Variants in LRRC31 observed in about 807,000 individuals in gnomAD.
The protein encoded by LRRC31 is leucine rich repeat containing 31.
LRRC31 carries 35 observed loss-of-function variants against 46.7 expected under a neutral mutation model. The ratio of observed to expected loss-of-function variants is 0.75; its 90% CI spans 0.57 to 0.99. LRRC31 has a LOEUF of 0.99. Ranked by LOEUF, LRRC31 falls within the 50% of genes least tolerant of loss-of-function variation. The pLI is 0.00. For missense variants in LRRC31, 613 were observed against 626.1 expected, an observed-to-expected ratio of 0.98 and a Z score of 0.22; for synonymous variants, 236 against 235.1, an observed-to-expected ratio of 1.00 and a Z score of -0.03.
intron 8 of LRRC31, among the ~76,000 whole-genome samples, chr3:169,847,217 C>A (rs1365661097): frequency 6.6e-6 from 1 of 152,128 alleles, no homozygotes; most frequent in Non-Finnish European, 1.5e-5. Context: ...AGGAGTTTCG[C>A]CCCTGCTGCC....
chr3:169,839,372 T>C lies in LRRC31; in HGVS notation c.*610A>G, dbSNP rs893247722. On this transcript the variant is annotated 3_prime_UTR_variant, in exon 9 of 9. Transcript: ENST00000316428. ...GTGACTATCATTACTGTTCATGGTT[T>C]ATATCTGAGATAAAAGGCACCAGAA... 7 of 152,244 alleles carry C rather than the reference T, an allele frequency of 4.6e-5. No individual in the cohort carries two copies. The highest frequency in any genetic ancestry group is 6.5e-5 in the Admixed American group (1 of 15,282). The allele number at this position is 152,244 out of a possible 1,614,324, so 9.4% of individuals were successfully genotyped here. A position where few individuals can be genotyped will look rare whatever the true frequency, so the allele number is the denominator to read the frequency against.
chr3:169,855,039 C>A, intron 5 of LRRC31, 59 bp from the exon 6 acceptor site: 2 of 1,471,242 alleles, frequency 1.4e-6, no homozygotes, highest in Non-Finnish European at 1.9e-6. Flanking sequence ...ACCTATAGTC[C>A]CAGCTGCTAG....
chr3:169,861,527 A>G (rs1225448493), intron 2 of LRRC31, 143 bp downstream of exon 2: 11 of 878,816 alleles, frequency 1.3e-5, no homozygotes, highest in Non-Finnish European at 1.5e-5. Flanking sequence ...TCAAAAAAAA[A>G]AAAAAAGCGA....
intron 1 of LRRC31, among the ~76,000 whole-genome samples, chr3:169,865,555 A>T (rs1003351097): frequency 6.6e-6 from 1 of 152,212 alleles, no homozygotes; most frequent in African/African-American, 2.4e-5. Flanking sequence ...ATTATTACAC[A>T]TTGGTAACAT....
chr3:169,844,042 T>C (rs1317164902), intron 8 of LRRC31, among the ~76,000 whole-genome samples: 1 of 152,130 alleles, frequency 6.6e-6, no homozygotes, highest in Non-Finnish European at 1.5e-5. Context: ...GAGCAATAAA[T>C]AATACCAATT....
chr3:169,850,886 A>T (rs537550822), intron 7 of LRRC31, among the ~76,000 whole-genome samples: 1 of 152,136 alleles, frequency 6.6e-6, no homozygotes, highest in African/African-American at 2.4e-5. Flanking sequence ...CAAATCCATC[A>T]CCCAGGGAAA....
At chr3:169,842,880 T>G (rs1013915439) in intron 8 of LRRC31, among the ~76,000 whole-genome samples, 2 of 152,234 alleles carry the variant, frequency 1.3e-5, no homozygotes, top group Non-Finnish European at 2.9e-5. Flanking sequence ...ATATATTTAA[T>G]GGTGTCTAAT....
At chr3:169,855,182 G>A (rs1382521055) in intron 5 of LRRC31, among the ~76,000 whole-genome samples, 1 of 152,124 alleles carries the variant, frequency 6.6e-6, no homozygotes, top group Non-Finnish European at 1.5e-5. Context: ...CTAGGACTTT[G>A]GGAGGCTGAG....
chr3:169,844,619 A>G lies in LRRC31; in HGVS notation c.1327+3501T>C, dbSNP rs115867063. Among the ~76,000 whole-genome samples the G allele has an allele frequency of 2.9e-3, 446 of 152,296 alleles. 3 individuals are homozygous for G. Among genetic ancestry groups the G allele is most frequent in the African/African-American group, 0.01 (428 of 41,574 alleles). Reference sequence around the variant, plus strand: ...AATAACCAAGAAAAAGAAAGAAAAGATACACAGAGATAAAGAAATAAATCT... The same window carrying G: ...AATAACCAAGAAAAAGAAAGAAAAGGTACACAGAGATAAAGAAATAAATCT... On this transcript the variant is annotated intron_variant, in intron 8 of 8. Transcript: ENST00000316428.
In LRRC31 at chr3:169,840,291, A is replaced by C; in HGVS notation, c.1350T>G (p.His450Gln). The C allele has an allele frequency of 6.2e-7, 1 of 1,614,170 alleles. No homozygotes were observed. The highest frequency in any genetic ancestry group is 8.5e-7 in the Non-Finnish European group (1 of 1,180,026). Residue 450 changes from histidine to glutamine, a missense_variant, in exon 9 of 9, where the codon CAT (histidine) becomes CAG (glutamine). His to Gln is a conservative substitution (Grantham distance 24). Coordinates refer to ENST00000316428, the MANE Select transcript of LRRC31 (RefSeq NM_024727.4). ...ALLASVIQTGHLAKLQKLDLS... is the reference protein window; with the variant it reads ...ALLASVIQTGQLAKLQKLDLS... ...GGTCCAGCTTTTGCAGTTTGGCCAG[A>C]TGACCCGTCTGTATGACCGATGCTG...
chr3:169,849,466 T>A (rs983558663), intron 7 of LRRC31, among the ~76,000 whole-genome samples: 2 of 152,158 alleles, frequency 1.3e-5, no homozygotes, highest in Admixed American at 1.3e-4. Flanking sequence ...AAAAAAATAT[T>A]TTCCCAGAAT....
intron 8 of LRRC31, among the ~76,000 whole-genome samples, chr3:169,843,280 G>C (rs2108198267): frequency 6.6e-6 from 1 of 152,286 alleles, no homozygotes; most frequent in South Asian, 2.1e-4. Flanking sequence ...GCTGACAGCA[G>C]CCCCCAGCTG....
intron 1 of LRRC31, among the ~76,000 whole-genome samples, chr3:169,868,931 G>A (rs1213987378): frequency 6.6e-6 from 1 of 151,924 alleles, no homozygotes; most frequent in African/African-American, 2.4e-5. Flanking sequence ...GGTGTGGATG[G>A]TTAATGGGTA....
chr3:169,850,053 C>T (rs114212593), intron 7 of LRRC31, among the ~76,000 whole-genome samples: 2,639 of 152,182 alleles, frequency 0.017, 84 homozygotes, highest in African/African-American at 0.06. Flanking sequence ...AAACAGAGTC[C>T]TTCTCTCCAA....
At chr3:169,855,949 C>T (rs995987027) in intron 5 of LRRC31, among the ~76,000 whole-genome samples, 1 of 151,924 alleles carries the variant, frequency 6.6e-6, no homozygotes, top group African/African-American at 2.4e-5. Flanking sequence ...TCACCCACAT[C>T]GGCTCGCTGC....
chr3:169,867,580 C>T (rs1419067049), intron 1 of LRRC31, among the ~76,000 whole-genome samples: 1 of 151,610 alleles, frequency 6.6e-6, no homozygotes, highest in Non-Finnish European at 1.5e-5. Context: ...GCTATATTGC[C>T]CAGGCTGGTC....
chr3:169,840,410 A>T, intron 8 of LRRC31, 97 bp from the exon 9 acceptor site: 1 of 1,242,690 alleles, frequency 8.0e-7, no homozygotes, highest in Non-Finnish European at 1.2e-6. Flanking sequence ...AATAGTAATG[A>T]CAAGATTAGT....
intron 1 of LRRC31, among the ~76,000 whole-genome samples, chr3:169,864,001 A>AGTGTGTGTGTGTGTGTGT (rs35795931): frequency 4.7e-5 from 7 of 148,720 alleles, no homozygotes; most frequent in African/African-American, 1.7e-4. Context: ...TCCAAAGCCT[A>AGTGTGTGTGTGTGTGTGT]GTGTGTGTGT....
intron 1 of LRRC31, among the ~76,000 whole-genome samples, chr3:169,867,492 C>T (rs1442506705): frequency 6.6e-6 from 1 of 152,046 alleles, no homozygotes; most frequent in African/African-American, 2.4e-5. Flanking sequence ...CTCCTGACCT[C>T]ATGATATGCC....
Sources: allele counts gnomAD v4.1 joint callset (sites outside exome capture counted in the v4.1 genomes callset), GRCh38; gene constraint gnomAD v4.1.1; transcripts MANE v1.5; gene names NCBI Gene and HGNC (gene_info 2026-07-23, HGNC 2026-07-21).